PKP4: variants seen among roughly 807,000 people sequenced by gnomAD.
PKP4 encodes plakophilin-4.
In PKP4, 90 loss-of-function variants were observed where a neutral mutation model predicts 145.1. The observed-to-expected ratio is 0.62, with a 90% CI of 0.52 to 0.74. PKP4 has a LOEUF of 0.74. PKP4 is among the 30% of genes least tolerant of loss of function. The probability of loss-of-function intolerance (pLI) is 0.00; values close to 1 mark genes in which losing one functional copy is unlikely to be tolerated. For synonymous variants in PKP4, 563 were observed against 577.2 expected, an observed-to-expected ratio of 0.98 and a Z score of 0.35; for missense variants, 1,340 against 1,482.7, an observed-to-expected ratio of 0.90 and a Z score of 1.58.
At chr2:158,631,969 C>A in intron 8 of PKP4, 28 bp downstream of exon 8, 1 of 1,604,040 alleles carries the variant, frequency 6.2e-7, no homozygotes, top group East Asian at 2.2e-5. Flanking sequence ...TTACTGGTTT[C>A]CTGATTTCAT....
intron 1 of PKP4, among the ~76,000 whole-genome samples, chr2:158,468,319 C>G (rs1052210252): frequency 5.9e-5 from 9 of 152,056 alleles, no homozygotes; most frequent in African/African-American, 2.2e-4. Flanking sequence ...AAAATCAAGT[C>G]TTTTATCTTT....
At chr2:158,580,928 G>A (rs919806163) in intron 3 of PKP4, among the ~76,000 whole-genome samples, 3 of 152,196 alleles carry the variant, frequency 2.0e-5, no homozygotes, top group Non-Finnish European at 2.9e-5. Flanking sequence ...TCAACAGGTA[G>A]TAAGGCTCAT....
At chr2:158,471,736 C>A (rs890559068) in intron 1 of PKP4, among the ~76,000 whole-genome samples, 2 of 152,154 alleles carry the variant, frequency 1.3e-5, no homozygotes, top group African/African-American at 4.8e-5. Flanking sequence ...CTATTAAATG[C>A]CGTTTATTGA....
chr2:158,619,602 C>T (rs1385461771), intron 4 of PKP4, among the ~76,000 whole-genome samples: 1 of 152,118 alleles, frequency 6.6e-6, no homozygotes, highest in Non-Finnish European at 1.5e-5. Context: ...CTTTACATAG[C>T]CAAACTTCAT....
rs922317600 is a variant in PKP4, at chr2:158,680,971, T to C, written c.*294T>C. The C allele has an allele frequency of 1.0e-5, 3 of 295,958 alleles. No individual in the cohort carries two copies. Among genetic ancestry groups the C allele is most frequent in the Non-Finnish European group, 1.9e-5 (3 of 159,944 alleles). The allele number at this position is 295,958 out of a possible 1,614,324, so 18.3% of individuals were successfully genotyped here. A position where few individuals can be genotyped will look rare whatever the true frequency, so the allele number is the denominator to read the frequency against. On this transcript the variant is annotated 3_prime_UTR_variant, in exon 22 of 22. Transcript: ENST00000389759. ...GAAATGGGTGAAATGAAATGGGGGA[T>C]ATGTAGGTCAAATCAAATTAAAGAT...
intron 2 of PKP4, among the ~76,000 whole-genome samples, chr2:158,551,290 A>T (rs1052093265): frequency 2.6e-5 from 4 of 152,258 alleles, no homozygotes; most frequent in African/African-American, 9.6e-5. Context: ...TGTTAGAGAA[A>T]AAAACATTAA....
Position 158,673,038 on chromosome 2 carries a change from C to G in PKP4, c.2925-639C>G, listed in dbSNP as rs1429543897. Among the ~76,000 whole-genome samples, 3 of 152,164 alleles carry G rather than the reference C, an allele frequency of 2.0e-5. No homozygotes were observed. In the East Asian group the frequency reaches 5.8e-4, roughly 29 times the overall value. ...AGGCAGGAAGTCCCCTCTTCAGTTA[C>G]TGGTGAGGCCACTGACTTAACAGCA... On this transcript the variant is annotated intron_variant, in intron 17 of 21. Transcript: ENST00000389759.
chr2:158,589,266 T>G (rs2049052228), intron 3 of PKP4, among the ~76,000 whole-genome samples: 1 of 152,174 alleles, frequency 6.6e-6, no homozygotes, highest in Admixed American at 6.5e-5. Context: ...TGGTGTGTTT[T>G]GCTTTGATTT....
At chr2:158,539,208 T>G (rs928924738) in intron 2 of PKP4, among the ~76,000 whole-genome samples, 1 of 152,214 alleles carries the variant, frequency 6.6e-6, no homozygotes, top group Non-Finnish European at 1.5e-5. Flanking sequence ...CCTTAATTTT[T>G]TGAAGATAAA....
intron 1 of PKP4, among the ~76,000 whole-genome samples, chr2:158,483,498 T>C (rs1045301566): frequency 2.0e-5 from 3 of 152,162 alleles, no homozygotes; most frequent in Admixed American, 6.5e-5. Flanking sequence ...CAGCTGGTCA[T>C]TAATTAACTC....
At chr2:158,567,437 T>G (rs912331001) in intron 2 of PKP4, among the ~76,000 whole-genome samples, 1 of 152,212 alleles carries the variant, frequency 6.6e-6, no homozygotes. Context: ...CTGAGTTGGC[T>G]TTTTATAAGT....
intron 2 of PKP4, among the ~76,000 whole-genome samples, chr2:158,541,402 A>G (rs2105662183): frequency 6.6e-6 from 1 of 152,224 alleles, no homozygotes; most frequent in Non-Finnish European, 1.5e-5. Context: ...AAGAAAGATC[A>G]TTTAAAATGT....
chr2:158,561,240 T>A (rs954281181), intron 2 of PKP4, among the ~76,000 whole-genome samples: 2 of 152,222 alleles, frequency 1.3e-5, no homozygotes, highest in African/African-American at 2.4e-5. Flanking sequence ...AGACCTGTGC[T>A]ATGGTCCACA....
intron 9 of PKP4, among the ~76,000 whole-genome samples, chr2:158,640,421 C>T (rs955245434): frequency 4.6e-5 from 7 of 152,298 alleles, no homozygotes; most frequent in South Asian, 2.1e-4. Flanking sequence ...TGCATCTGTG[C>T]GTCATGATTT....
intron 2 of PKP4, among the ~76,000 whole-genome samples, chr2:158,565,789 T>C (rs1319315974): frequency 6.6e-6 from 1 of 152,204 alleles, no homozygotes; most frequent in Non-Finnish European, 1.5e-5. Context: ...AGGTTAGATA[T>C]GGCTTATGGT....
At chr2:158,609,483 A>G (rs1400568858) in intron 4 of PKP4, among the ~76,000 whole-genome samples, 1 of 152,224 alleles carries the variant, frequency 6.6e-6, no homozygotes, top group African/African-American at 2.4e-5. Flanking sequence ...ATTTATTTTT[A>G]TACTTTGCAT....
chr2:158,590,178 A>T (rs2049133881), intron 3 of PKP4, among the ~76,000 whole-genome samples: 1 of 152,134 alleles, frequency 6.6e-6, no homozygotes, highest in South Asian at 2.1e-4. Flanking sequence ...TCTAAAACTG[A>T]AGCAGGAAAA....
At chr2:158,623,833 C>G (rs2052498474) in intron 6 of PKP4, among the ~76,000 whole-genome samples, 1 of 152,210 alleles carries the variant, frequency 6.6e-6, no homozygotes, top group African/African-American at 2.4e-5. Flanking sequence ...TGGTCCTAGT[C>G]TTCTAACCTG....
At chr2:158,667,306 C>T (rs2057187544) in intron 16 of PKP4, among the ~76,000 whole-genome samples, 1 of 152,166 alleles carries the variant, frequency 6.6e-6, no homozygotes, top group African/African-American at 2.4e-5. Flanking sequence ...GCCATGCAAC[C>T]TGGGGTATCC....
Sources: gnomAD v4.1 joint callset for allele counts (sites outside exome capture counted in the v4.1 genomes callset) on GRCh38, gnomAD v4.1.1 for gene constraint, MANE v1.5 for transcripts, NCBI Gene and HGNC (gene_info 2026-07-23, HGNC 2026-07-21) for gene names.